The following NMBR variants were observed in gnomAD, a reference collection of about 807,000 sequenced individuals.
NMBR encodes the protein neuromedin B receptor.
NMBR carries 16 observed loss-of-function variants against 20.5 expected under a neutral mutation model. The observed-to-expected ratio is 0.78, with a 90% CI of 0.53 to 1.19. NMBR has a LOEUF of 1.19. NMBR is among the 50% of genes most tolerant of loss of function. The pLI is 0.00. For missense variants in NMBR, 582 were observed against 499.1 expected (o/e 1.17, Z -1.58); for synonymous variants, 212 against 196.6 (o/e 1.08, Z -0.65).
At chr6:142,136,464 T>G (rs1778255338) in intron 1 of NMBR, among the ~76,000 whole-genome samples, 1 of 152,190 alleles carries the variant, frequency 6.6e-6, no homozygotes, top group South Asian at 2.1e-4. Context: ...ACGCTGATGG[T>G]AGTTTCTTTT....
chr6:142,124,858 T>A (rs1372812024), intron 1 of NMBR, among the ~76,000 whole-genome samples: 2 of 151,868 alleles, frequency 1.3e-5, no homozygotes, highest in Non-Finnish European at 2.9e-5. Context: ...ATTAGAATCA[T>A]AAAACCATAG....
intron 1 of NMBR, among the ~76,000 whole-genome samples, chr6:142,092,343 CTG>C (rs201593471): frequency 0.02 from 2,991 of 152,112 alleles, 52 homozygotes; most frequent in Non-Finnish European, 0.03. Context: ...ACTGGGAAAA[CTG>C]TTGCACAGGC....
intron 1 of NMBR, among the ~76,000 whole-genome samples, chr6:142,131,389 C>T (rs1778139698): frequency 6.6e-6 from 1 of 152,196 alleles, no homozygotes; most frequent in Non-Finnish European, 1.5e-5. Context: ...AATCTAGGTT[C>T]ATTTTGAAAC....
At chr6:142,080,266 T>C (rs1418865763) in intron 2 of NMBR, among the ~76,000 whole-genome samples, 1 of 151,866 alleles carries the variant, frequency 6.6e-6, no homozygotes, top group Non-Finnish European at 1.5e-5. Flanking sequence ...TTCTTTTTTA[T>C]AGTGTCCTAT....
intron 1 of NMBR, among the ~76,000 whole-genome samples, chr6:142,097,281 A>G (rs1777473302): frequency 6.6e-6 from 1 of 152,060 alleles, no homozygotes; most frequent in Non-Finnish European, 1.5e-5. Flanking sequence ...TGGTCTTTAC[A>G]ATTTTGCATG....
chr6:142,118,258 C>T (rs567081692), intron 1 of NMBR, among the ~76,000 whole-genome samples: 5 of 151,912 alleles, frequency 3.3e-5, no homozygotes, highest in Admixed American at 6.6e-5. Flanking sequence ...TGCTAACAGT[C>T]CAGTTCTAAT....
chr6:142,086,114 C>G (rs983357209), intron 2 of NMBR, among the ~76,000 whole-genome samples: 1 of 150,642 alleles, frequency 6.6e-6, no homozygotes, highest in Non-Finnish European at 1.5e-5. Flanking sequence ...ATTTCTTATA[C>G]CAAGAATTGT....
Position 142,147,086 on chromosome 6 carries a change from T to C in NMBR, c.-706A>G, listed in dbSNP as rs1350903225. ...GCCATGCGCGGCATAAGCGCCAAAA[T>C]GCTCGGGTCTTCTGTGGGTTCTAAC... On this transcript the variant is annotated 5_prime_UTR_variant, in exon 1 of 4. Coordinates refer to ENST00000258042, the MANE Select transcript of NMBR (RefSeq NM_002511.4). 7.0e-6 allele frequency: 4 copies of C among 574,560 alleles called. No individual in the cohort carries two copies. The highest frequency in any genetic ancestry group is 2.8e-5 in the East Asian group (1 of 35,774). 35.6% of individuals were successfully genotyped at this position (574,560 alleles called of 1,614,324 possible).
chr6:142,094,843 A>T (rs1357557736), intron 1 of NMBR, among the ~76,000 whole-genome samples: 1 of 152,122 alleles, frequency 6.6e-6, no homozygotes, highest in Non-Finnish European at 1.5e-5. Context: ...AGTGGTTTGT[A>T]GTTCTCCTTG....
chr6:142,080,469 C>A (rs1777072100), intron 2 of NMBR, among the ~76,000 whole-genome samples: 1 of 151,816 alleles, frequency 6.6e-6, no homozygotes, highest in Non-Finnish European at 1.5e-5. Context: ...TGCCACCAAG[C>A]CTAGCTAATT....
rs35134315 is a variant in NMBR at position 142,075,109 on chromosome 6, T to TACACAC, written c.*533_*538dup. Among the ~76,000 whole-genome samples, 1 of 149,880 alleles carries TACACAC rather than the reference T, an allele frequency of 6.7e-6. No homozygotes were observed. Among genetic ancestry groups the TACACAC allele is most frequent in the Non-Finnish European group, 1.5e-5 (1 of 67,478 alleles). On this transcript the variant is annotated 3_prime_UTR_variant, in exon 4 of 4. Transcript: ENST00000258042. Reference sequence around the variant, plus strand: ...ACATATATACATATACATATATATATACACACACACACACACTCATGCAAT... The same window carrying TACACAC: ...ACATATATACATATACATATATATATACACACACACACACACACACACTCATGCAAT...
chr6:142,086,230 A>G (rs564449698), intron 2 of NMBR, among the ~76,000 whole-genome samples: 4 of 152,300 alleles, frequency 2.6e-5, no homozygotes, highest in Non-Finnish European at 5.9e-5. Context: ...CTGAATTTCT[A>G]ATCTGTTTTC....
At chr6:142,112,311 C>T (rs1335418159) in intron 1 of NMBR, among the ~76,000 whole-genome samples, 1 of 152,088 alleles carries the variant, frequency 6.6e-6, no homozygotes, top group African/African-American at 2.4e-5. Context: ...AACAGAATCA[C>T]CACAATGTAA....
intron 1 of NMBR, among the ~76,000 whole-genome samples, chr6:142,100,566 G>A (rs747516492): frequency 1.3e-5 from 2 of 152,222 alleles, no homozygotes; most frequent in Non-Finnish European, 2.9e-5. Context: ...GGACAAATGT[G>A]TGGATCGCAG....
intron 1 of NMBR, among the ~76,000 whole-genome samples, chr6:142,097,813 T>C (rs1168421911): frequency 6.6e-6 from 1 of 152,016 alleles, no homozygotes; most frequent in African/African-American, 2.4e-5. Flanking sequence ...CTCTATTCCA[T>C]GTGTTGAAGA....
Position 142,138,580 on chromosome 6 carries a change from T to A in NMBR, c.-664+8464A>T, listed in dbSNP as rs375430837. Among the ~76,000 whole-genome samples, 4 of 152,322 alleles carry A rather than the reference T, an allele frequency of 2.6e-5. No individual in the cohort carries two copies. The East Asian group carries it at 7.7e-4, about 29-fold the overall frequency. On this transcript the variant is annotated intron_variant, in intron 1 of 3. Transcript: ENST00000258042. ...AAAGGATATTTATTGACTTTCTTTA[T>A]TTAGAATAACTAACAATTGGTGTTA...
At chr6:142,098,079 T>A (rs908680606) in intron 1 of NMBR, among the ~76,000 whole-genome samples, 1 of 151,962 alleles carries the variant, frequency 6.6e-6, no homozygotes, top group Non-Finnish European at 1.5e-5. Flanking sequence ...TGACTACAGT[T>A]GGATCTCCAA....
chr6:142,136,512 T>C (rs958718790), intron 1 of NMBR, among the ~76,000 whole-genome samples: 2 of 152,204 alleles, frequency 1.3e-5, no homozygotes, highest in Admixed American at 1.3e-4. Flanking sequence ...AGATCCCATT[T>C]GTCAATTTTG....
intron 1 of NMBR, among the ~76,000 whole-genome samples, chr6:142,102,983 C>T (rs978118329): frequency 5.3e-5 from 8 of 152,102 alleles, no homozygotes; most frequent in Non-Finnish European, 1.0e-4. Context: ...ATCAAAGATG[C>T]CATCTGCTTC....
Sources: gnomAD v4.1 joint callset for allele counts (sites outside exome capture counted in the v4.1 genomes callset) on GRCh38, gnomAD v4.1.1 for gene constraint, MANE v1.5 for transcripts, NCBI Gene and HGNC (gene_info 2026-07-23, HGNC 2026-07-21) for gene names.